Variants in CPD observed in about 807,000 individuals in gnomAD.
CPD encodes carboxypeptidase D, also known as metallocarboxypeptidase D.
A neutral mutation model predicts 138.3 loss-of-function variants in CPD; 69 were observed. That is an observed-to-expected ratio of 0.50 (90% CI 0.41 to 0.61). CPD has a LOEUF of 0.61. CPD is among the 20% of genes least tolerant of loss of function. The pLI, the probability that CPD is intolerant of heterozygous loss-of-function variation, is 0.00. For synonymous variants in CPD, 651 were observed against 642.1 expected, an observed-to-expected ratio of 1.01 and a Z score of -0.21; for missense variants, 1,432 against 1,733.3, an observed-to-expected ratio of 0.83 and a Z score of 3.09.
chr17:30,456,170 AAGATGACTTGT>A, intron 15 of CPD, 75 bp from the exon 16 acceptor site: 1 of 1,003,450 alleles, frequency 1.0e-6, no homozygotes, highest in South Asian at 1.5e-5. Context: ...TTAGGAGAAA[AAGATGACTTGT>A]ATCCATGAAG....
At chr17:30,427,668 T>A in intron 7 of CPD, 110 bp downstream of exon 7, 2 of 944,800 alleles carry the variant, frequency 2.1e-6, no homozygotes, top group East Asian at 4.9e-5. Flanking sequence ...AGTATCCTGT[T>A]ACTGCTCTTA....
At chr17:30,397,898 A>C (rs1024100801) in intron 2 of CPD, among the ~76,000 whole-genome samples, 1 of 151,328 alleles carries the variant, frequency 6.6e-6, no homozygotes, top group African/African-American at 2.4e-5. Flanking sequence ...AAAACTGGTC[A>C]TGGTGCAGTG....
intron 2 of CPD, among the ~76,000 whole-genome samples, chr17:30,388,165 A>G (rs1911244338): frequency 6.6e-6 from 1 of 151,884 alleles, no homozygotes; most frequent in Admixed American, 6.6e-5. Context: ...GCTTTTATGG[A>G]CCTCAGAGGG....
At chr17:30,406,267 T>TATA (rs1253861149) in intron 2 of CPD, among the ~76,000 whole-genome samples, 5 of 152,116 alleles carry the variant, frequency 3.3e-5, no homozygotes, top group African/African-American at 1.2e-4. Context: ...AAAATCAGTC[T>TATA]ATAAGACCTA....
intron 2 of CPD, among the ~76,000 whole-genome samples, chr17:30,394,554 C>T (rs566984572): frequency 1.3e-5 from 2 of 151,920 alleles, no homozygotes; most frequent in Non-Finnish European, 2.9e-5. Flanking sequence ...TAGTGCTATT[C>T]GTTTTGGAGT....
intron 14 of CPD, 88 bp from the exon 15 acceptor site, chr17:30,455,251 G>T: frequency 9.1e-7 from 1 of 1,093,166 alleles, no homozygotes; most frequent in Non-Finnish European, 1.3e-6. Context: ...TTAGCATTTT[G>T]ATTGTATTCA....
At chr17:30,416,690 C>G (rs1912116232) in intron 2 of CPD, among the ~76,000 whole-genome samples, 1 of 152,248 alleles carries the variant, frequency 6.6e-6, no homozygotes, top group Admixed American at 6.5e-5. Flanking sequence ...CTGACTTTTA[C>G]CAGGCTAGCT....
intron 17 of CPD, among the ~76,000 whole-genome samples, chr17:30,460,619 G>T (rs1038347817): frequency 6.6e-6 from 1 of 152,204 alleles, no homozygotes; most frequent in African/African-American, 2.4e-5. Context: ...AAGAAAATGA[G>T]TTAATACCAT....
intron 6 of CPD, among the ~76,000 whole-genome samples, chr17:30,426,462 G>A (rs58263912): frequency 0.013 from 1,923 of 152,310 alleles, 42 homozygotes; most frequent in African/African-American, 0.043. Context: ...GTGGAAAACA[G>A]TCCTTATGTG....
rs141399870 is a variant in CPD at position 30,431,607 on chromosome 17, T to C, written c.2018-165T>C. 4.9e-3 allele frequency among the ~76,000 whole-genome samples: 743 copies of C among 152,372 alleles called. 17 individuals are homozygous for C. The highest frequency in any genetic ancestry group is 4.8e-3 in the Non-Finnish European group (326 of 68,040). ...CATTTGAAAGATATCTTCTCACTTATTCACTTTGAATTGAAGAAATTAGTG... is the reference window on the plus strand; with the variant it reads ...CATTTGAAAGATATCTTCTCACTTACTCACTTTGAATTGAAGAAATTAGTG... On this transcript the variant is annotated intron_variant, in intron 7 of 20. Transcript: ENST00000225719.
rs746143179 is a variant in CPD at position 30,462,453 on chromosome 17, T to G, written c.3900T>G (p.Leu1300=). ...GGATATTTGGTTTGCCAAGGGAGCT[T>G]GTGGTAACTGTATCAGGTAAAGACA... The part of the protein sequence containing the change: ...DNRIFGLPRE[L]VVTVSGATMS... The change falls in exon 20 of 21, where the codon CTT becomes CTG. Residue 1300 remains leucine (L), a synonymous_variant. Coordinates refer to ENST00000225719, the MANE Select transcript of CPD (RefSeq NM_001304.5). The G allele has an allele frequency of 1.1e-5, 18 of 1,613,314 alleles. No individual in the cohort carries two copies. The highest frequency in any genetic ancestry group is 1.5e-5 in the Non-Finnish European group (18 of 1,179,474).
chr17:30,449,176 A>G (rs1365859723), intron 12 of CPD, among the ~76,000 whole-genome samples: 2 of 152,124 alleles, frequency 1.3e-5, no homozygotes, highest in Admixed American at 6.5e-5. Context: ...ATGTTCATAC[A>G]TACTTAAATA....
chr17:30,437,977 C>A (rs1253211183), intron 8 of CPD, among the ~76,000 whole-genome samples: 1 of 147,032 alleles, frequency 6.8e-6, no homozygotes, highest in East Asian at 2.0e-4. Context: ...GCTGGTTCTA[C>A]AGACATGTAG....
rs1319848484 is a variant in CPD at position 30,451,808 on chromosome 17, C to T, written c.3167C>T (p.Thr1056Ile). 1.2e-6 allele frequency: 2 copies of T among 1,613,864 alleles called. No homozygotes were observed. Among genetic ancestry groups the T allele is most frequent in the African/African-American group, 2.7e-5 (2 of 74,906 alleles). ...GACTGTACTTCAAAAATAGGACAAA[C>T]AAATGCTCGTGGCAAAGATTTGGAT... ...EKDCTSKIGQ[T>I]NARGKDLDTD... The change falls in exon 14 of 21, where the codon ACA becomes ATA. Residue 1056 changes from threonine to isoleucine, a missense_variant. Transcript: ENST00000225719.
chr17:30,432,185 T>C (rs897904683), intron 8 of CPD, among the ~76,000 whole-genome samples: 1 of 152,248 alleles, frequency 6.6e-6, no homozygotes, highest in Non-Finnish European at 1.5e-5. Flanking sequence ...AAGGGCTTAA[T>C]GAATTATAGC....
intron 12 of CPD, among the ~76,000 whole-genome samples, chr17:30,449,341 T>C (rs181060132): frequency 2.4e-4 from 36 of 152,342 alleles, no homozygotes; most frequent in Non-Finnish European, 3.8e-4. Flanking sequence ...TTCCTAAATC[T>C]TTCCTAAATC....
At chr17:30,416,400 T>C (rs937946018) in intron 2 of CPD, among the ~76,000 whole-genome samples, 1 of 152,246 alleles carries the variant, frequency 6.6e-6, no homozygotes, top group African/African-American at 2.4e-5. Context: ...TATTGTACTG[T>C]ACATGTAAAA....
Position 30,462,440 on chromosome 17 carries a change from T to G in CPD, c.3887T>G (p.Leu1296Trp). The G allele has an allele frequency of 6.2e-7, 1 of 1,613,980 alleles. No homozygotes were observed. Among genetic ancestry groups the G allele is most frequent in the Non-Finnish European group, 8.5e-7 (1 of 1,179,892 alleles). The change falls in exon 20 of 21, where the codon TTG (leucine) becomes TGG (tryptophan). Residue 1296 changes from leucine to tryptophan, a missense_variant. Coordinates refer to ENST00000225719, the MANE Select transcript of CPD (RefSeq NM_001304.5). The part of the protein sequence containing the change: ...VFDTDNRIFG[L>W]PRELVVTVSG... Reference sequence around the variant, plus strand: ...GACACAGATAACCGGATATTTGGTTTGCCAAGGGAGCTTGTGGTAACTGTA... The same window carrying G: ...GACACAGATAACCGGATATTTGGTTGGCCAAGGGAGCTTGTGGTAACTGTA...
chr17:30,456,621 T>A, intron 17 of CPD, 95 bp downstream of exon 17: 1 of 1,253,544 alleles, frequency 8.0e-7, no homozygotes, highest in Non-Finnish European at 1.2e-6. Flanking sequence ...GCAGGTGGAT[T>A]TTCTGAGTTT....
Sources: allele counts gnomAD v4.1 joint callset (sites outside exome capture counted in the v4.1 genomes callset), GRCh38; gene constraint gnomAD v4.1.1; transcripts MANE v1.5; gene names NCBI Gene and HGNC (gene_info 2026-07-23, HGNC 2026-07-21).